Variants in MYO18B observed in about 807,000 individuals in gnomAD.
MYO18B encodes myosin XVIIIB.
In MYO18B, 204 loss-of-function variants were observed where a neutral mutation model predicts 273.0. The observed-to-expected ratio is 0.75, with a 90% CI of 0.67 to 0.84. The LOEUF (loss-of-function observed/expected upper bound fraction) is 0.84, where lower values mean the gene tolerates loss of function less well. Among genes scored for constraint, MYO18B ranks in the 40% least tolerant of loss-of-function variants. The pLI is 0.00. For missense variants in MYO18B, 3,212 were observed against 3,287.6 expected, an observed-to-expected ratio of 0.98 and a Z score of 0.56; for synonymous variants, 1,330 against 1,305.7, an observed-to-expected ratio of 1.02 and a Z score of -0.40.
At chr22:25,760,271 C>T (rs147718376) in intron 1 of MYO18B, among the ~76,000 whole-genome samples, 6 of 151,850 alleles carry the variant, frequency 4.0e-5, no homozygotes, top group Admixed American at 2.6e-4. Context: ...AAAAATTAGC[C>T]GGGTGTGGTG....
At chr22:26,060,922 CACAT>C in the MYO18B span, among the ~76,000 whole-genome samples, 1 of 152,098 alleles carries the variant, frequency 6.6e-6, no homozygotes, top group South Asian at 2.1e-4. Context: ...TACATATACA[CACAT>C]ACATTCACAC....
downstream of MYO18B, among the ~76,000 whole-genome samples, chr22:26,035,201 A>C (rs1291895710): frequency 6.6e-6 from 1 of 152,196 alleles, no homozygotes; most frequent in Non-Finnish European, 1.5e-5. Context: ...CAATTATCAA[A>C]ATACTAACTG....
chr22:25,744,600 G>C (rs2085722510), intron 1 of MYO18B, among the ~76,000 whole-genome samples: 1 of 152,162 alleles, frequency 6.6e-6, no homozygotes. Flanking sequence ...CGGGCGTGGT[G>C]GTGGGTGCCT....
chr22:26,018,548 G>C (rs965098759), intron 42 of MYO18B, among the ~76,000 whole-genome samples: 1 of 152,156 alleles, frequency 6.6e-6, no homozygotes, highest in East Asian at 1.9e-4. Context: ...AATAAGCTAA[G>C]AATCAATAGG....
At chr22:25,778,703 G>C (rs947065199) in intron 8 of MYO18B, among the ~76,000 whole-genome samples, 8 of 151,432 alleles carry the variant, frequency 5.3e-5, no homozygotes, top group Non-Finnish European at 1.2e-4. Context: ...TGTTGTCCAG[G>C]CTGGTTTAGA....
chr22:25,832,800 A>AT (rs1405540936), intron 15 of MYO18B, 117 bp from the exon 16 acceptor site: 5 of 855,858 alleles, frequency 5.8e-6, no homozygotes, highest in African/African-American at 3.4e-5. Context: ...TAAAAAAACG[A>AT]TTTTTTTAAA....
At chr22:25,845,217 C>T (rs2090198732) in intron 18 of MYO18B, among the ~76,000 whole-genome samples, 1 of 152,180 alleles carries the variant, frequency 6.6e-6, no homozygotes, top group South Asian at 2.1e-4. Context: ...GGAACAGACA[C>T]TTGAAAAGCT....
chr22:25,747,824 G>C (rs1197787285), intron 1 of MYO18B, among the ~76,000 whole-genome samples: 1 of 152,144 alleles, frequency 6.6e-6, no homozygotes, highest in Admixed American at 6.5e-5. Flanking sequence ...ACAGGCCTAC[G>C]GAGCATCTAG....
chr22:25,908,446 G>GA lies in MYO18B; in HGVS notation c.5259+16dup. On this transcript the variant is annotated intron_variant, in intron 32 of 43. Transcript: ENST00000335473. ...TGCCAGAAGCGGGTACGTGAGCAGT[G>GA]AACACAGCTGTGCCCTTGGATCCTG... The GA allele has an allele frequency of 6.4e-7, 1 of 1,563,580 alleles. No homozygotes were observed. Among genetic ancestry groups the GA allele is most frequent in the Non-Finnish European group, 8.7e-7 (1 of 1,152,662 alleles).
At chr22:25,893,801 A>G (rs2091727432) in intron 27 of MYO18B, among the ~76,000 whole-genome samples, 1 of 151,134 alleles carries the variant, frequency 6.6e-6, no homozygotes, top group Non-Finnish European at 1.5e-5. Flanking sequence ...CCATCCACCC[A>G]TCCACCCATC....
intron 3 of MYO18B, among the ~76,000 whole-genome samples, chr22:25,766,152 C>T (rs555268176): frequency 2.6e-5 from 4 of 152,050 alleles, no homozygotes; most frequent in South Asian, 2.1e-4. Flanking sequence ...TCTAATATGC[C>T]GCAGTTCAAG....
chr22:25,805,633 C>T (rs1020613628), intron 12 of MYO18B, among the ~76,000 whole-genome samples: 4 of 152,192 alleles, frequency 2.6e-5, no homozygotes, highest in Non-Finnish European at 4.4e-5. Context: ...CAAGTTCACA[C>T]GTTTGGTTGG....
chr22:25,747,615 A>AT (rs67868761), intron 1 of MYO18B, among the ~76,000 whole-genome samples: 19,079 of 150,806 alleles, frequency 0.13, 1,506 homozygotes, highest in East Asian at 0.27. Context: ...AGGAGCTGAG[A>AT]TTTTTTTTTT....
At chr22:26,041,471 G>T in the MYO18B span, among the ~76,000 whole-genome samples, 2 of 152,028 alleles carry the variant, frequency 1.3e-5, no homozygotes, top group Admixed American at 6.5e-5. Flanking sequence ...GGTAGAGGTT[G>T]CAGGGAACCA....
At chr22:25,917,921 G>A (rs1160739696) in intron 33 of MYO18B, among the ~76,000 whole-genome samples, 1 of 152,046 alleles carries the variant, frequency 6.6e-6, no homozygotes, top group Admixed American at 6.6e-5. Context: ...AATGCTGTGG[G>A]ATAGATATTA....
At chr22:25,885,309 G>A (rs1390526937) in intron 25 of MYO18B, among the ~76,000 whole-genome samples, 1 of 152,184 alleles carries the variant, frequency 6.6e-6, no homozygotes, top group African/African-American at 2.4e-5. Flanking sequence ...GCTGGTGAAT[G>A]GCAGAACTGT....
At chr22:25,962,089 T>C (rs2146685432) in intron 39 of MYO18B, among the ~76,000 whole-genome samples, 1 of 152,318 alleles carries the variant, frequency 6.6e-6, no homozygotes, top group Middle Eastern at 3.4e-3. Context: ...CTTTTCTTTA[T>C]AAATTACTCA....
chr22:25,934,727 T>C (rs1355306262), intron 34 of MYO18B, among the ~76,000 whole-genome samples: 1 of 152,180 alleles, frequency 6.6e-6, no homozygotes, highest in African/African-American at 2.4e-5. Context: ...TTGCATTCTT[T>C]TGAGTTTCTG....
At chr22:26,025,600 T>A (rs1057278888) in intron 42 of MYO18B, among the ~76,000 whole-genome samples, 10 of 152,186 alleles carry the variant, frequency 6.6e-5, no homozygotes, top group Non-Finnish European at 1.3e-4. Context: ...TTTACTTTTT[T>A]AAAAAATAAA....
Sources: allele counts gnomAD v4.1 joint callset (sites outside exome capture counted in the v4.1 genomes callset), GRCh38; gene constraint gnomAD v4.1.1; transcripts MANE v1.5; gene names NCBI Gene and HGNC (gene_info 2026-07-23, HGNC 2026-07-21).